DEPDC4: variants seen among roughly 807,000 people sequenced by gnomAD.
DEPDC4 encodes the protein DEP domain-containing protein 4.
A neutral mutation model predicts 52.0 loss-of-function variants in DEPDC4; 52 were observed. The ratio of observed to expected loss-of-function variants is 1.00; its 90% CI spans 0.80 to 1.26. DEPDC4 has a LOEUF of 1.26. Ranked by LOEUF, DEPDC4 falls within the 50% of genes most tolerant of loss-of-function variation. DEPDC4 has a pLI of 0.00. For synonymous variants in DEPDC4, 201 were observed against 196.8 expected (o/e 1.02, Z -0.18); for missense variants, 530 against 546.9 (o/e 0.97, Z 0.31).
chr12:100,251,978 GTATGAGCC>G (rs2096210104), intron 7 of DEPDC4, among the ~76,000 whole-genome samples, 190 bp downstream of exon 7: 1 of 152,208 alleles, frequency 6.6e-6, no homozygotes, highest in African/African-American at 2.4e-5. Flanking sequence ...GGGATTACAA[GTATGAGCC>G]ACTGTACCCA....
At chr12:100,268,229 T>C (rs1334268713), upstream of DEPDC4, among the ~76,000 whole-genome samples, 2 of 152,232 alleles carry the variant, frequency 1.3e-5, no homozygotes, top group African/African-American at 4.8e-5. Flanking sequence ...TGACACTTTC[T>C]AAAAACATTG....
Position 100,240,947 on chromosome 12 carries a change from G to A in DEPDC4, c.*945C>T, listed in dbSNP as rs1363837895. ...AGGTACCTATAATCCCAGCTACTCG[G>A]GAGGCTGAGGCAGGGAGAATTGCTT... is the stretch of plus-strand genomic sequence containing the variant. On this transcript the variant is annotated 3_prime_UTR_variant, in exon 10 of 10. Coordinates refer to ENST00000550587, the MANE Select transcript of DEPDC4 (RefSeq NM_001364818.2). 6.6e-6 allele frequency among the ~76,000 whole-genome samples: 1 copy of A among 152,106 alleles called. No individual in the cohort carries two copies. The highest frequency in any genetic ancestry group is 1.5e-5 in the Non-Finnish European group (1 of 68,010).
upstream of DEPDC4, among the ~76,000 whole-genome samples, chr12:100,269,144 A>G (rs527542953): frequency 6.6e-6 from 1 of 152,290 alleles, no homozygotes; most frequent in East Asian, 1.9e-4. Context: ...ACCATTTTTA[A>G]GTAAATCGAA....
Position 100,241,850 on chromosome 12 carries a change from A to G in DEPDC4, c.*47-5T>C, listed in dbSNP as rs1325704975. ...AGGGTTGGCAAAACGTAAAGCCTGG[A>G]AAAAAAAAAAAAAAACAAAAGAAAA... On this transcript the variant is annotated splice_region_variant and splice_polypyrimidine_tract_variant and intron_variant, in intron 9 of 9. Transcript: ENST00000550587. 45 of 219,230 alleles carry G rather than the reference A, an allele frequency of 2.1e-4. No individual in the cohort carries two copies. Among genetic ancestry groups the G allele is most frequent in the South Asian group, 1.6e-3 (24 of 14,862 alleles). The allele number at this position is 219,230 out of a possible 1,614,324, so 13.6% of individuals were successfully genotyped here. A position where few individuals can be genotyped will look rare whatever the true frequency, so the allele number is the denominator to read the frequency against.
intron 8 of DEPDC4, among the ~76,000 whole-genome samples, chr12:100,247,444 G>C (rs1482878261): frequency 6.6e-6 from 1 of 152,054 alleles, no homozygotes; most frequent in Non-Finnish European, 1.5e-5. Context: ...AACCTCAGGT[G>C]ATCTGCCCGC....
In DEPDC4 at chr12:100,267,056, T is replaced by C. The variant is rs748244817; in HGVS notation, c.21A>G (p.Pro7=). Residue 7 remains proline, a synonymous_variant, in exon 1 of 10, where the codon CCA becomes CCG. Transcript: ENST00000550587. ...AAAGAACCGCCATAAGCTCGCGCGC[T>C]GGCTCCTCCCCTGGCACCATAGCCC... MVPGEE[P]ARELMAVLLT... The C allele has an allele frequency of 4.3e-6, 7 of 1,612,856 alleles. No individual in the cohort carries two copies. Among genetic ancestry groups the C allele is most frequent in the Non-Finnish European group, 5.9e-6 (7 of 1,179,282 alleles).
chr12:100,281,882 A>AAAGT, the DEPDC4 span, among the ~76,000 whole-genome samples: 1 of 152,026 alleles, frequency 6.6e-6, no homozygotes, highest in Non-Finnish European at 1.5e-5. Context: ...AGTAAAGTGT[A>AAAGT]AAGTGTTAGC....
rs574633499 is a variant in DEPDC4 at position 100,241,750 on chromosome 12, T to C, written c.*142A>G. The C allele has an allele frequency of 3.1e-6, 4 of 1,278,528 alleles. No individual in the cohort carries two copies. The African/African-American group carries it at 4.6e-5, about 15-fold the overall frequency. 79.2% of individuals were successfully genotyped at this position (1,278,528 alleles called of 1,614,324 possible). A position where few individuals can be genotyped will look rare whatever the true frequency, so the allele number is the denominator to read the frequency against. ...CGTTTCAGAGAGATGCTGGGGTTACTATTAATCTCAAGAGCCAACTGGTGT... is the reference window on the plus strand; with the variant it reads ...CGTTTCAGAGAGATGCTGGGGTTACCATTAATCTCAAGAGCCAACTGGTGT... On this transcript the variant is annotated 3_prime_UTR_variant, in exon 10 of 10. Transcript: ENST00000550587.
chr12:100,255,766 T>C (rs2096229926), intron 4 of DEPDC4: 2 of 201,632 alleles, frequency 9.9e-6, no homozygotes, highest in Non-Finnish European at 1.0e-5. Context: ...GGTTGCATTA[T>C]TTAGGGTAAT....
intron 8 of DEPDC4, among the ~76,000 whole-genome samples, chr12:100,246,936 C>CA (rs753878592): frequency 3.5e-5 from 5 of 143,508 alleles, no homozygotes; most frequent in South Asian, 2.2e-4. Flanking sequence ...GACTCTGTCT[C>CA]AAAAAAAAAG....
At chr12:100,253,772 A>C (rs1361062578) in intron 4 of DEPDC4, 57 bp from the exon 5 acceptor site, 1 of 946,118 alleles carries the variant, frequency 1.1e-6, no homozygotes, top group African/African-American at 1.7e-5. Context: ...ATTTAACTAA[A>C]GCACTATTTG....
chr12:100,235,340 T>C (rs1411606511), downstream of DEPDC4, among the ~76,000 whole-genome samples: 1 of 143,346 alleles, frequency 7.0e-6, no homozygotes, highest in Non-Finnish European at 1.5e-5. Context: ...ATATTCTTTT[T>C]TTCTTTTAAG....
At chr12:100,266,809 T>C in intron 1 of DEPDC4, 111 bp downstream of exon 1, 2 of 1,387,534 alleles carry the variant, frequency 1.4e-6, no homozygotes, top group Non-Finnish European at 1.9e-6. Context: ...GGGGCGGGGC[T>C]AGGAAATGGG....
chr12:100,262,253 A>C lies in DEPDC4; in HGVS notation c.700+11T>G, dbSNP rs781563748. 1.1e-5 allele frequency: 17 copies of C among 1,597,266 alleles called. No homozygotes were observed. The highest frequency in any genetic ancestry group is 1.7e-4 in the Middle Eastern group (1 of 6,008). On this transcript the variant is annotated intron_variant, in intron 3 of 9. Transcript: ENST00000550587. The stretch of plus-strand genomic sequence containing the variant: ...TTACCATGTTCTGAAAAAATAATGA[A>C]AACAAATTACCTTCTTTTGAAAGCC...
At chr12:100,279,198 T>C in the DEPDC4 span, among the ~76,000 whole-genome samples, 1 of 152,218 alleles carries the variant, frequency 6.6e-6, no homozygotes, top group Non-Finnish European at 1.5e-5. Context: ...GTGAAACTCT[T>C]CTACCTCAGA....
rs2096232790 is a variant in DEPDC4 at position 100,256,418 on chromosome 12, CAG to C, written c.701-194_701-193del. Among the ~76,000 whole-genome samples, 9 of 152,140 alleles carry C rather than the reference CAG, an allele frequency of 5.9e-5. 1 individual carries two copies. The East Asian group carries it at 1.4e-3, about 23-fold the overall frequency. On this transcript the variant is annotated intron_variant, in intron 3 of 9. Transcript: ENST00000550587. ...ATTTTTCAAGATTGATCTTAAACAT[CAG>C]AGTTATGAGCCATATTAATTTTATT... is the stretch of plus-strand genomic sequence containing the variant.
At chr12:100,267,810 A>G (rs1400409839), upstream of DEPDC4, 1 of 152,114 alleles carries the variant, frequency 6.6e-6, no homozygotes, top group Non-Finnish European at 1.5e-5. Flanking sequence ...AGTTCACCTC[A>G]GTTCTGAGGT....
intron 3 of DEPDC4, among the ~76,000 whole-genome samples, 179 bp downstream of exon 3, chr12:100,262,085 C>A: frequency 6.6e-6 from 1 of 152,104 alleles, no homozygotes; most frequent in Non-Finnish European, 1.5e-5. Context: ...CACAAATGCA[C>A]CACTTGGTTG....
At chr12:100,277,481 T>C in the DEPDC4 span, among the ~76,000 whole-genome samples, 20 of 152,358 alleles carry the variant, frequency 1.3e-4, no homozygotes, top group South Asian at 4.1e-3. Flanking sequence ...GTCTTTTTGG[T>C]GAATTGACAA....
Sources: gnomAD v4.1 joint callset for allele counts (sites outside exome capture counted in the v4.1 genomes callset) on GRCh38, gnomAD v4.1.1 for gene constraint, MANE v1.5 for transcripts, NCBI Gene and HGNC (gene_info 2026-07-23, HGNC 2026-07-21) for gene names.